The following SERINC2 variants were observed in gnomAD, a reference collection of about 807,000 sequenced individuals.
SERINC2 encodes serine incorporator 2.
Under a neutral mutation model 54.2 loss-of-function variants are expected in SERINC2, and 56 were observed. The observed-to-expected ratio is 1.03, with a 90% CI of 0.83 to 1.29. The LOEUF is 1.29. Ranked by LOEUF, SERINC2 falls within the 50% of genes most tolerant of loss-of-function variation. The pLI is 0.00. For missense variants in SERINC2, 614 were observed against 607.4 expected (o/e 1.01, Z -0.12); for synonymous variants, 272 against 253.1 (o/e 1.07, Z -0.71).
chr1:31,426,640 C>G lies in SERINC2; in HGVS notation c.611-14C>G. ...CCACCCACTGCCTACCCTCTCACTA[C>G]CCCTCTGGCCCAGGCCTCTTCTTCT... On this transcript the variant is annotated splice_polypyrimidine_tract_variant and intron_variant, in intron 5 of 9. Coordinates refer to ENST00000373709, the MANE Select transcript of SERINC2 (RefSeq NM_178865.5). The G allele has an allele frequency of 6.3e-7, 1 of 1,593,692 alleles. No homozygotes were observed. Among genetic ancestry groups the G allele is most frequent in the Non-Finnish European group, 8.6e-7 (1 of 1,164,742 alleles).
In SERINC2 at chr1:31,413,682, C is replaced by A; in HGVS notation, c.39+378C>A. The A allele has an allele frequency of 1.9e-6, 2 of 1,044,284 alleles. No homozygotes were observed. Among genetic ancestry groups the A allele is most frequent in the Non-Finnish European group, 2.5e-6 (2 of 809,708 alleles). The allele number at this position is 1,044,284 out of a possible 1,614,324, so 64.7% of individuals were successfully genotyped here. On this transcript the variant is annotated intron_variant, in intron 1 of 9. Transcript: ENST00000373709. This position sits in a 1 kb window ranked among gnomAD's most constrained non-coding sequence, Gnocchi z 5.0. ...GGCGGTCCTCGGGGTGGCCTCTGTC[C>A]CCGTCCCGGACGCCCTGGTTCTCTG...
At chr1:31,425,477 G>T in intron 4 of SERINC2, 68 bp downstream of exon 4, 1 of 1,176,758 alleles carries the variant, frequency 8.5e-7, no homozygotes, top group Non-Finnish European at 1.3e-6. Context: ...TTGGAGGAAC[G>T]TGGTGGGGCT....
At chr1:31,428,947 G>A (rs1553133986) in intron 6 of SERINC2, 31 bp from the exon 7 acceptor site, 1 of 1,595,278 alleles carries the variant, frequency 6.3e-7, no homozygotes, top group Non-Finnish European at 8.6e-7. Context: ...CTCTGGTCTG[G>A]CAGGGGTCTT....
Position 31,423,780 on chromosome 1 carries a change from A to T in SERINC2, c.127A>T (p.Thr43Ser). 6.2e-7 allele frequency: 1 copy of T among 1,613,884 alleles called. No homozygotes were observed. The highest frequency in any genetic ancestry group is 1.7e-5 in the Admixed American group (1 of 60,014). Residue 43 changes from threonine to serine, a missense_variant, in exon 2 of 10, where the codon ACG becomes TCG. By Grantham distance (58) the Thr-to-Ser change is moderately conservative (BLOSUM62 1). Transcript: ENST00000373709. ...CTCCACCGTGAGCCGCCTCATCTTCACGTTCTTCCTCTTCCTGGGGGTGCT... is the reference window on the plus strand; with the variant it reads ...CTCCACCGTGAGCCGCCTCATCTTCTCGTTCTTCCTCTTCCTGGGGGTGCT... ...RNSTVSRLIF[T>S]FFLFLGVLVS...
intron 5 of SERINC2, 96 bp from the exon 6 acceptor site, chr1:31,426,558 G>C (rs1204130871): frequency 1.0e-6 from 1 of 972,092 alleles, no homozygotes; most frequent in Admixed American, 2.3e-5. Context: ...GAGCTGGAGA[G>C]GGGGAGAGCT....
chr1:31,424,963 C>A, intron 3 of SERINC2, 90 bp downstream of exon 3: 2 of 1,099,614 alleles, frequency 1.8e-6, no homozygotes, highest in East Asian at 2.5e-5. Flanking sequence ...AGACCCTACC[C>A]ACCACTCAGG....
In SERINC2 at chr1:31,413,357, G is replaced by A. The variant is rs572670341; in HGVS notation, c.39+53G>A. The A allele has an allele frequency of 2.5e-5, 25 of 1,008,784 alleles. No homozygotes were observed. The South Asian group carries it at 5.5e-4, about 22-fold the overall frequency. 62.5% of individuals were successfully genotyped at this position (1,008,784 alleles called of 1,614,324 possible). A position where few individuals can be genotyped will look rare whatever the true frequency, so the allele number is the denominator to read the frequency against. ...CGCGCGCCGCCCGTTCCTGCTGCGG[G>A]CCCTCACTTTCTTCTGTTCTGCTCC... On this transcript the variant is annotated intron_variant, in intron 1 of 9. Transcript: ENST00000373709. This position sits in a 1 kb window ranked among gnomAD's most constrained non-coding sequence, Gnocchi z 5.0.
rs1375274275 is a variant in SERINC2, at chr1:31,413,250, G to A, written c.-16G>A. 1.7e-6 allele frequency: 2 copies of A among 1,189,844 alleles called. No homozygotes were observed. The highest frequency in any genetic ancestry group is 2.1e-6 in the Non-Finnish European group (2 of 962,258). The allele number at this position is 1,189,844 out of a possible 1,614,324, so 73.7% of individuals were successfully genotyped here. On this transcript the variant is annotated 5_prime_UTR_variant, in exon 1 of 10. Transcript: ENST00000373709. This position sits in a 1 kb window ranked among gnomAD's most constrained non-coding sequence, Gnocchi z 5.0. The stretch of plus-strand genomic sequence containing the variant: ...CCGCGCCCGGCGCCGGGCGCCCGAA[G>A]CCGGGAGCCGCCGCCATGGGGGCCT...
chr1:31,413,828 C>T lies in SERINC2; in HGVS notation c.39+524C>T, dbSNP rs1245115688. 5.0e-5 allele frequency: 70 copies of T among 1,405,274 alleles called. No individual in the cohort carries two copies. Among genetic ancestry groups the T allele is most frequent in the East Asian group, 1.5e-4 (5 of 33,646 alleles). 87.1% of individuals were successfully genotyped at this position (1,405,274 alleles called of 1,614,324 possible). A position where few individuals can be genotyped will look rare whatever the true frequency, so the allele number is the denominator to read the frequency against. On this transcript the variant is annotated intron_variant, in intron 1 of 9. Transcript: ENST00000373709. The surrounding 1 kb of genome is among the most constrained non-coding windows in gnomAD (Gnocchi z 5.0). ...CTGTCCGTTCGTATTTGTCTGGTTC[C>T]TGTCTGTGTCCGTCGTTCGTCCGAC...
At chr1:31,431,983 G>C (rs1256885004) in intron 8 of SERINC2, among the ~76,000 whole-genome samples, 3 of 142,082 alleles carry the variant, frequency 2.1e-5, no homozygotes, top group Admixed American at 6.9e-5. Context: ...GGATAGGGTG[G>C]ATAGGGTGGA....
chr1:31,413,119 G>A (rs1233348007), upstream of SERINC2: 14 of 1,002,684 alleles, frequency 1.4e-5, no homozygotes, highest in Non-Finnish European at 1.7e-5. This position sits in a 1 kb window ranked among gnomAD's most constrained non-coding sequence, Gnocchi z 5.0. Context: ...GAGGCCCCGA[G>A]CGCCGCCGGA....
Position 31,434,255 on chromosome 1 carries a change from A to G in SERINC2, c.*56A>G, listed in dbSNP as rs7417775. 1,444,605 of 1,571,776 alleles carry G rather than the reference A, an allele frequency of 0.92. 678,856 individuals are homozygous for G. Among genetic ancestry groups the G allele is most frequent in the Non-Finnish European group, 0.98 (1,134,202 of 1,160,222 alleles). On this transcript the variant is annotated 3_prime_UTR_variant, in exon 10 of 10. Transcript: ENST00000373709. ...CCTGCCACCTGGTGCCTCTCGGCTC[A>G]GTGACAGCCAACCTGCCCCCTCCCC...
upstream of SERINC2, chr1:31,410,056 G>C: frequency 9.9e-7 from 1 of 1,010,230 alleles, no homozygotes. Context: ...CAGGGCAATG[G>C]ACCAAATGAC....
intron 8 of SERINC2, among the ~76,000 whole-genome samples, chr1:31,432,511 C>G (rs1339803472): frequency 6.6e-6 from 1 of 152,094 alleles, no homozygotes; most frequent in East Asian, 1.9e-4. Context: ...AAATCAATGG[C>G]AAATGAGCGT....
Position 31,413,741 on chromosome 1 carries a change from G to T in SERINC2, c.39+437G>T. ...GCCCGGGCCCCGTCCCTCCTGGCGA[G>T]TGCCCTGCCCTACCCCTCTGGCCGC... On this transcript the variant is annotated intron_variant, in intron 1 of 9. Transcript: ENST00000373709. The surrounding 1 kb of genome is among the most constrained non-coding windows in gnomAD (Gnocchi z 5.0). 7.6e-7 allele frequency: 1 copy of T among 1,324,438 alleles called. No individual in the cohort carries two copies. The highest frequency in any genetic ancestry group is 9.6e-7 in the Non-Finnish European group (1 of 1,042,440). The allele number at this position is 1,324,438 out of a possible 1,614,324, so 82.0% of individuals were successfully genotyped here. A position where few individuals can be genotyped will look rare whatever the true frequency, so the allele number is the denominator to read the frequency against.
intron 3 of SERINC2, 56 bp downstream of exon 3, chr1:31,424,929 T>C: frequency 6.9e-7 from 1 of 1,447,472 alleles, no homozygotes; most frequent in Non-Finnish European, 9.4e-7. Flanking sequence ...CCTTGCCCGC[T>C]CCTCTGCCTG....
chr1:31,433,944 G>C, intron 9 of SERINC2, 120 bp from the exon 10 acceptor site: 1 of 973,134 alleles, frequency 1.0e-6, no homozygotes. Context: ...AGATGGACTG[G>C]AGTTACAGGG....
At chr1:31,420,876 A>G (rs1640887366) in intron 1 of SERINC2, among the ~76,000 whole-genome samples, 1 of 152,292 alleles carries the variant, frequency 6.6e-6, no homozygotes, top group African/African-American at 2.4e-5. Flanking sequence ...CAGTGCTGTT[A>G]TCAACTTGCT....
intron 1 of SERINC2, among the ~76,000 whole-genome samples, chr1:31,415,203 C>A (rs558087276): frequency 2.6e-5 from 4 of 152,202 alleles, no homozygotes; most frequent in Non-Finnish European, 5.9e-5. Flanking sequence ...GGCTTCTGCC[C>A]ACACCTTCCC....
Sources: allele counts gnomAD v4.1 joint callset (sites outside exome capture counted in the v4.1 genomes callset), GRCh38; gene constraint gnomAD v4.1.1; non-coding constraint Gnocchi (gnomAD v3.1); transcripts MANE v1.5; gene names NCBI Gene and HGNC (gene_info 2026-07-23, HGNC 2026-07-21).